The following HDHD5 variants were observed in gnomAD, a reference collection of about 807,000 sequenced individuals.
The protein encoded by HDHD5 is haloacid dehalogenase-like hydrolase domain-containing 5.
In HDHD5, 34 loss-of-function variants were observed where a neutral mutation model predicts 35.5. That is an observed-to-expected ratio of 0.96 (90% CI 0.73 to 1.28). The LOEUF is 1.28. Among genes scored for constraint, HDHD5 ranks in the 50% most tolerant of loss-of-function variants. HDHD5 has a pLI of 0.00. For synonymous variants in HDHD5, 248 were observed against 240.6 expected (o/e 1.03, Z -0.29); for missense variants, 589 against 560.2 (o/e 1.05, Z -0.52).
intron 3 of HDHD5, among the ~76,000 whole-genome samples, chr22:17,146,208 T>A (rs1342888437): frequency 6.6e-6 from 1 of 152,040 alleles, no homozygotes; most frequent in Non-Finnish European, 1.5e-5. Flanking sequence ...CTTAGGAGCT[T>A]AGCCATCTCC....
At chr22:17,144,896 T>C in intron 4 of HDHD5, 128 bp downstream of exon 4, 1 of 1,135,970 alleles carries the variant, frequency 8.8e-7, no homozygotes, top group Non-Finnish European at 1.3e-6. Flanking sequence ...CTTAGCCAGA[T>C]GTGCCTCCAA....
intron 7 of HDHD5, 52 bp from the exon 8 acceptor site, chr22:17,138,409 C>T (rs1437952081): frequency 6.3e-7 from 1 of 1,575,686 alleles, no homozygotes. Flanking sequence ...AACCCTAAAT[C>T]AATGTTGCAA....
upstream of HDHD5, among the ~76,000 whole-genome samples, chr22:17,162,208 AC>A (rs1322663772): frequency 6.6e-6 from 1 of 152,152 alleles, no homozygotes; most frequent in East Asian, 1.9e-4. Context: ...TCCTGGCGGA[AC>A]CCTTGACCAA....
At chr22:17,150,220 G>A (rs927732656) in intron 1 of HDHD5, among the ~76,000 whole-genome samples, 3 of 151,778 alleles carry the variant, frequency 2.0e-5, no homozygotes, top group African/African-American at 7.3e-5. Context: ...ACATCATCTC[G>A]TTCTTTTTTG....
At chr22:17,140,947 G>T in intron 6 of HDHD5, 112 bp downstream of exon 6, 1 of 976,708 alleles carries the variant, frequency 1.0e-6, no homozygotes, top group Non-Finnish European at 1.5e-6. Context: ...GCCTACCTAA[G>T]TGAGGTCCCG....
Position 17,149,721 on chromosome 22 carries a change from A to C in HDHD5, c.151T>G (p.Leu51Val). 6.2e-7 allele frequency: 1 copy of C among 1,614,102 alleles called. No homozygotes were observed. The highest frequency in any genetic ancestry group is 8.5e-7 in the Non-Finnish European group (1 of 1,180,024). ...CGCACAAGCACTCCATCGATGTCCAACAGGAACCCAAAGGTGGGTGGGCTC... is the reference window on the plus strand; with the variant it reads ...CGCACAAGCACTCCATCGATGTCCACCAGGAACCCAAAGGTGGGTGGGCTC... ...AQSPPTFGFL[L>V]DIDGVLVRGH... Residue 51 changes from leucine (L) to valine (V), a missense_variant, in exon 2 of 8, where the codon TTG becomes GTG. Coordinates refer to ENST00000336737, the MANE Select transcript of HDHD5 (RefSeq NM_033070.3).
chr22:17,144,723 A>T (rs2061640525), intron 4 of HDHD5, among the ~76,000 whole-genome samples: 1 of 148,766 alleles, frequency 6.7e-6, no homozygotes, highest in Admixed American at 6.7e-5. Context: ...CAATTTTTTA[A>T]ATTTTTTTGT....
chr22:17,159,359 A>G (rs150982248), upstream of HDHD5: 515 of 1,196,832 alleles, frequency 4.3e-4, 2 homozygotes, highest in Non-Finnish European at 5.3e-4. Flanking sequence ...CGGGAGTTGT[A>G]GTCCTGTAAG....
rs559135120 is a variant in HDHD5 at position 17,145,865 on chromosome 22, G to C, written c.444-748C>G. ...GTAGGGCTGGAGCTAAAATCTTAAAGGATGAACCCAAATCATCAAGGAAGA... is the reference window on the plus strand; with the variant it reads ...GTAGGGCTGGAGCTAAAATCTTAAACGATGAACCCAAATCATCAAGGAAGA... On this transcript the variant is annotated intron_variant, in intron 3 of 7. Coordinates refer to ENST00000336737, the MANE Select transcript of HDHD5 (RefSeq NM_033070.3). Among the ~76,000 whole-genome samples, 4 of 152,234 alleles carry C rather than the reference G, an allele frequency of 2.6e-5. No homozygotes were observed. In the East Asian group the frequency reaches 5.8e-4, roughly 22 times the overall value.
rs754112329 is a variant in HDHD5 at position 17,138,249 on chromosome 22, T to C, written c.1044A>G (p.Gln348=). Residue 348 remains glutamine, a synonymous_variant, in exon 8 of 8, where the codon CAA becomes CAG. Coordinates refer to ENST00000336737, the MANE Select transcript of HDHD5 (RefSeq NM_033070.3). ...PELGAGGTRQ[Q]QPSASQSCIS... ...TGCAGCTCTGGCTTGCTGAGGGCTGTTGCTGCCGTGTGCCCCCGGCCCCTA... is the reference window on the plus strand; with the variant it reads ...TGCAGCTCTGGCTTGCTGAGGGCTGCTGCTGCCGTGTGCCCCCGGCCCCTA... 1.2e-6 allele frequency: 2 copies of C among 1,614,150 alleles called. No individual in the cohort carries two copies. Among genetic ancestry groups the C allele is most frequent in the Non-Finnish European group, 1.7e-6 (2 of 1,180,034 alleles).
At position 17,138,587 on chromosome 22, in the gene HDHD5, C is replaced by T; in HGVS notation, c.898G>A (p.Gly300Ser). 6.2e-7 allele frequency: 1 copy of T among 1,614,132 alleles called. No homozygotes were observed. The highest frequency in any genetic ancestry group is 2.2e-5 in the East Asian group (1 of 44,888). ...AGCTTCCGGATGGGGGCGGCCCAGC[C>T]CCGCCTCTCCGCCTGTCGCCTGATC... ...DLIRRQAERRGWAAPIRKLYA... is the reference protein window; with the variant it reads ...DLIRRQAERRSWAAPIRKLYA... The change falls in exon 7 of 8, where the codon GGC becomes AGC. Residue 300 changes from glycine to serine, a missense_variant. Coordinates refer to ENST00000336737, the MANE Select transcript of HDHD5 (RefSeq NM_033070.3).
At chr22:17,144,220 A>G (rs1251441181) in intron 4 of HDHD5, among the ~76,000 whole-genome samples, 2 of 151,654 alleles carry the variant, frequency 1.3e-5, no homozygotes, top group South Asian at 2.1e-4. Flanking sequence ...CAATACAGAG[A>G]GGACAGGGCA....
At chr22:17,161,104 A>C (rs1353995418), upstream of HDHD5, among the ~76,000 whole-genome samples, 1 of 151,532 alleles carries the variant, frequency 6.6e-6, no homozygotes, top group Non-Finnish European at 1.5e-5. Context: ...AAATACAAAA[A>C]TTAGCTCGTC....
chr22:17,155,677 T>C (rs888452670), intron 1 of HDHD5, among the ~76,000 whole-genome samples: 15 of 152,144 alleles, frequency 9.9e-5, no homozygotes, highest in Non-Finnish European at 4.4e-5. Flanking sequence ...CTTCAGGATG[T>C]ACACAGAGAA....
chr22:17,159,680 G>T, upstream of HDHD5: 1 of 311,086 alleles, frequency 3.2e-6, no homozygotes, highest in South Asian at 2.2e-5. Context: ...GGTCCTCTGG[G>T]CCCCTGCCAG....
intron 1 of HDHD5, among the ~76,000 whole-genome samples, chr22:17,157,783 T>C (rs537889637): frequency 1.3e-5 from 2 of 152,108 alleles, no homozygotes; most frequent in Non-Finnish European, 2.9e-5. Flanking sequence ...TTAAAAATCA[T>C]AAAAATAATA....
In HDHD5 at chr22:17,138,627, C is replaced by A. The variant is rs151288224; in HGVS notation, c.858G>T (p.Gln286His). The change falls in exon 7 of 8, where the codon CAG becomes CAT. Residue 286 changes from glutamine to histidine, a missense_variant. By Grantham distance (24) the Gln-to-His change is conservative. Transcript: ENST00000336737. ...LMGKPSILTY[Q>H]YAEDLIRRQA... ...GTCGCCTGATCAGGTCCTCGGCATACTGGTAAGTGAGGATGCTGGGTTTGC... is the reference window on the plus strand; with the variant it reads ...GTCGCCTGATCAGGTCCTCGGCATAATGGTAAGTGAGGATGCTGGGTTTGC... The A allele has an allele frequency of 5.6e-6, 9 of 1,614,126 alleles. No individual in the cohort carries two copies. Among genetic ancestry groups the A allele is most frequent in the Non-Finnish European group, 6.8e-6 (8 of 1,180,054 alleles).
intron 1 of HDHD5, among the ~76,000 whole-genome samples, chr22:17,151,780 G>T (rs4819970): frequency 0.88 from 130,701 of 148,646 alleles, 57,545 homozygotes; most frequent in African/African-American, 0.93. Context: ...GAGAAGAGAA[G>T]AGAAAAGGCG....
At chr22:17,160,188 T>C (rs1017881878), upstream of HDHD5, among the ~76,000 whole-genome samples, 13 of 151,622 alleles carry the variant, frequency 8.6e-5, no homozygotes, top group African/African-American at 1.2e-4. Flanking sequence ...AGAGAGGGAG[T>C]CGAGGATATG....
Sources: gnomAD v4.1 joint callset for allele counts (sites outside exome capture counted in the v4.1 genomes callset) on GRCh38, gnomAD v4.1.1 for gene constraint, MANE v1.5 for transcripts, NCBI Gene and HGNC (gene_info 2026-07-23, HGNC 2026-07-21) for gene names.